The following STARD13 variants were observed in gnomAD, a reference collection of about 807,000 sequenced individuals.
STARD13 encodes StAR related lipid transfer domain containing 13.
STARD13 carries 62 observed loss-of-function variants against 106.4 expected under a neutral mutation model. The ratio of observed to expected loss-of-function variants is 0.58; its 90% CI spans 0.48 to 0.72. The LOEUF is 0.72. Among genes scored for constraint, STARD13 ranks in the 30% least tolerant of loss-of-function variants. STARD13 has a pLI of 0.00. For missense variants in STARD13, 1,387 were observed against 1,424.0 expected (o/e 0.97, Z 0.42); for synonymous variants, 565 against 553.0 (o/e 1.02, Z -0.31).
intron 7 of STARD13, among the ~76,000 whole-genome samples, chr13:33,123,333 C>T (rs767379778): frequency 5.3e-5 from 8 of 152,170 alleles, no homozygotes; most frequent in Non-Finnish European, 1.0e-4. Flanking sequence ...CCTGTTTATG[C>T]TAATCTTTTT....
chr13:33,266,446 G>C (rs1024069502), intron 1 of STARD13, among the ~76,000 whole-genome samples: 3 of 152,140 alleles, frequency 2.0e-5, no homozygotes, highest in Non-Finnish European at 2.9e-5. Flanking sequence ...GCCCTCAGGA[G>C]CTCCCTATTA....
At chr13:33,675,376 A>C in the STARD13 span, among the ~76,000 whole-genome samples, 4 of 152,184 alleles carry the variant, frequency 2.6e-5, no homozygotes, top group Admixed American at 2.6e-4. Flanking sequence ...TAGTTCTGGA[A>C]AGGAAAATGT....
the STARD13 span, among the ~76,000 whole-genome samples, chr13:33,534,842 C>T: frequency 6.6e-6 from 1 of 152,080 alleles, no homozygotes; most frequent in African/African-American, 2.4e-5. Flanking sequence ...AAACACTAAC[C>T]CCAAAGAGGG....
chr13:33,156,942 A>T (rs1882053339), intron 3 of STARD13, among the ~76,000 whole-genome samples: 1 of 152,230 alleles, frequency 6.6e-6, no homozygotes, highest in Admixed American at 6.5e-5. Flanking sequence ...CCAAGAAATC[A>T]GTTAATTGTC....
the STARD13 span, among the ~76,000 whole-genome samples, chr13:33,458,905 C>T: frequency 6.8e-6 from 1 of 147,768 alleles, no homozygotes; most frequent in African/African-American, 2.5e-5. Context: ...ACTGCAACCT[C>T]TGCCTCCCAG....
At chr13:33,258,013 C>T (rs962144062) in intron 1 of STARD13, among the ~76,000 whole-genome samples, 4 of 152,238 alleles carry the variant, frequency 2.6e-5, no homozygotes, top group Non-Finnish European at 4.4e-5. Flanking sequence ...TCACTATAAT[C>T]TTCCAGCTGC....
the STARD13 span, among the ~76,000 whole-genome samples, chr13:33,539,941 G>C: frequency 6.6e-6 from 1 of 152,184 alleles, no homozygotes; most frequent in South Asian, 2.1e-4. Flanking sequence ...AAAGTCATAC[G>C]CATAGTATGT....
chr13:33,485,964 G>T, the STARD13 span, among the ~76,000 whole-genome samples: 2 of 152,178 alleles, frequency 1.3e-5, no homozygotes, highest in African/African-American at 4.8e-5. Flanking sequence ...AATGTGGAAT[G>T]CAGAAAGTGT....
chr13:33,577,155 T>G, the STARD13 span, among the ~76,000 whole-genome samples: 3 of 152,322 alleles, frequency 2.0e-5, no homozygotes, highest in East Asian at 5.8e-4. Flanking sequence ...TTGAGTGATT[T>G]TCATAATGTA....
At chr13:33,488,798 T>G in the STARD13 span, among the ~76,000 whole-genome samples, 6 of 152,376 alleles carry the variant, frequency 3.9e-5, no homozygotes, top group South Asian at 1.0e-3. Context: ...TTCTTTGATA[T>G]TCACAGAATT....
At chr13:33,307,960 G>C (rs969375235) in intron 1 of STARD13, among the ~76,000 whole-genome samples, 1 of 152,044 alleles carries the variant, frequency 6.6e-6, no homozygotes, top group Non-Finnish European at 1.5e-5. Context: ...TTTATCAAAG[G>C]GATCATTATT....
downstream of STARD13, among the ~76,000 whole-genome samples, chr13:33,346,924 C>T (rs1262057566): frequency 1.3e-5 from 2 of 152,140 alleles, no homozygotes; most frequent in South Asian, 2.1e-4. Flanking sequence ...AGGCATGAGC[C>T]GCTGCACCTG....
At chr13:33,540,905 G>C in the STARD13 span, among the ~76,000 whole-genome samples, 1 of 152,210 alleles carries the variant, frequency 6.6e-6, no homozygotes, top group Non-Finnish European at 1.5e-5. Flanking sequence ...CCACCCAACA[G>C]TTAACAGGCT....
intron 3 of STARD13, among the ~76,000 whole-genome samples, chr13:33,160,752 AC>A (rs1226565578): frequency 6.6e-6 from 1 of 152,204 alleles, no homozygotes; most frequent in African/African-American, 2.4e-5. Context: ...TAAAAGCAAA[AC>A]AAAAACTGAC....
the STARD13 span, among the ~76,000 whole-genome samples, chr13:33,514,876 T>A: frequency 1.3e-5 from 2 of 152,088 alleles, no homozygotes; most frequent in African/African-American, 4.8e-5. Flanking sequence ...CCCACCAAGA[T>A]TCCTCGGGAG....
chr13:33,342,684 C>T (rs2077973973), intron 1 of STARD13, among the ~76,000 whole-genome samples: 1 of 152,104 alleles, frequency 6.6e-6, no homozygotes, highest in African/African-American at 2.4e-5. Flanking sequence ...AGGCACGAGC[C>T]ACCATGCCCA....
intron 1 of STARD13, among the ~76,000 whole-genome samples, chr13:33,172,959 A>C (rs1375025249): frequency 6.6e-6 from 1 of 152,214 alleles, no homozygotes; most frequent in Non-Finnish European, 1.5e-5. Flanking sequence ...ACTTAAGAGA[A>C]GTAAGGAAAA....
At chr13:33,264,496 G>T (rs1287842323) in intron 1 of STARD13, among the ~76,000 whole-genome samples, 1 of 152,112 alleles carries the variant, frequency 6.6e-6, no homozygotes, top group African/African-American at 2.4e-5. Flanking sequence ...AGGCAATTAG[G>T]GTCACGTATT....
chr13:33,659,940 C>T, the STARD13 span: 1 of 152,128 alleles, frequency 6.6e-6, no homozygotes, highest in African/African-American at 2.4e-5. Context: ...TACTCATGGG[C>T]TTAAATCATA....
Sources: allele counts gnomAD v4.1 joint callset (sites outside exome capture counted in the v4.1 genomes callset), GRCh38; gene constraint gnomAD v4.1.1; transcripts MANE v1.5; gene names NCBI Gene and HGNC (gene_info 2026-07-23, HGNC 2026-07-21).